Variants in COL24A1 observed in about 807,000 individuals in gnomAD.
COL24A1 encodes the protein collagen type XXIV alpha 1 chain.
In COL24A1, 224 loss-of-function variants were observed where a neutral mutation model predicts 253.9. The observed-to-expected ratio is 0.88, with a 90% CI of 0.79 to 0.99. COL24A1 has a LOEUF of 0.99. Among genes scored for constraint, COL24A1 ranks in the 50% least tolerant of loss-of-function variants. The pLI is 0.00. For missense variants in COL24A1, 2,131 were observed against 2,068.5 expected (o/e 1.03, Z -0.59); for synonymous variants, 685 against 673.7 (o/e 1.02, Z -0.26).
intron 37 of COL24A1, among the ~76,000 whole-genome samples, chr1:85,852,098 GTGTT>G (rs1247674585): frequency 6.6e-6 from 1 of 151,914 alleles, no homozygotes; most frequent in Non-Finnish European, 1.5e-5. Flanking sequence ...TGCGGGGTGT[GTGTT>G]TGTGTGTGTG....
chr1:85,990,784 T>G (rs931420930), intron 19 of COL24A1, among the ~76,000 whole-genome samples: 6 of 152,172 alleles, frequency 3.9e-5, no homozygotes, highest in Admixed American at 2.6e-4. Context: ...CAAATATGTT[T>G]AAGTTCATAA....
At chr1:86,088,795 A>T (rs998005597) in intron 7 of COL24A1, among the ~76,000 whole-genome samples, 1 of 152,218 alleles carries the variant, frequency 6.6e-6, no homozygotes, top group African/African-American at 2.4e-5. Flanking sequence ...TCATAAAGTG[A>T]CTTCAAGATC....
chr1:85,959,722 T>C (rs986964448), intron 24 of COL24A1, among the ~76,000 whole-genome samples: 5 of 152,172 alleles, frequency 3.3e-5, no homozygotes, highest in Non-Finnish European at 7.4e-5. Flanking sequence ...AGATAGTCTG[T>C]TTCCTCTTTG....
In COL24A1 at chr1:85,807,721, T is replaced by C. The variant is rs145744352; in HGVS notation, c.3951+9067A>G. Among the ~76,000 whole-genome samples the C allele has an allele frequency of 4.6e-5, 7 of 152,272 alleles. No individual in the cohort carries two copies. The East Asian group carries it at 1.3e-3, about 29-fold the overall frequency. On this transcript the variant is annotated intron_variant, in intron 47 of 59. Transcript: ENST00000370571. ...ATCCCTTGATTGAGAAGGAGGTAGG[T>C]TCTCTTTGAGAAAAAACACTGCAAT...
intron 20 of COL24A1, among the ~76,000 whole-genome samples, chr1:85,976,153 T>C (rs1263375280): frequency 1.3e-5 from 2 of 151,842 alleles, no homozygotes; most frequent in East Asian, 1.9e-4. Flanking sequence ...TTGCAGAGAG[T>C]AGCACAGGAG....
chr1:85,923,037 A>T (rs1571231883), intron 24 of COL24A1, among the ~76,000 whole-genome samples: 1 of 152,218 alleles, frequency 6.6e-6, no homozygotes, highest in East Asian at 1.9e-4. Flanking sequence ...CTGATGAAAC[A>T]GACTTTAAAC....
Position 86,138,858 on chromosome 1 carries a change from T to A in COL24A1, c.121+7261A>T, listed in dbSNP as rs910983290. ...AACAAAGCTTATCTGCTTTTTTTTT[T>A]ATCTCATCCCGTCAGAGCCCTGCTA... is the stretch of plus-strand genomic sequence containing the variant. On this transcript the variant is annotated intron_variant, in intron 2 of 59. Transcript: ENST00000370571. 5.3e-5 allele frequency among the ~76,000 whole-genome samples: 8 copies of A among 152,228 alleles called. No homozygotes were observed. The East Asian group carries it at 5.8e-4, about 11-fold the overall frequency.
chr1:86,065,160 A>G (rs1018433148), intron 7 of COL24A1, among the ~76,000 whole-genome samples: 1 of 152,152 alleles, frequency 6.6e-6, no homozygotes, highest in African/African-American at 2.4e-5. Flanking sequence ...GGAGGCTCAT[A>G]GGTTACAGAG....
intron 19 of COL24A1, among the ~76,000 whole-genome samples, chr1:86,004,996 T>C (rs1252251297): frequency 6.6e-6 from 1 of 152,138 alleles, no homozygotes; most frequent in Admixed American, 6.5e-5. Flanking sequence ...CAAACATACA[T>C]GCTCTTCAGC....
intron 43 of COL24A1, among the ~76,000 whole-genome samples, chr1:85,836,693 A>G (rs1676042293): frequency 6.6e-6 from 1 of 152,222 alleles, no homozygotes; most frequent in African/African-American, 2.4e-5. Context: ...TAGAATCATC[A>G]ATAAATAAAA....
At chr1:85,745,309 A>C (rs1477534863) in intron 56 of COL24A1, 132 bp downstream of exon 56, 1 of 509,228 alleles carries the variant, frequency 2.0e-6, no homozygotes, top group African/African-American at 2.0e-5. Context: ...GTTCTTGAGA[A>C]TGGTTTCACA....
At chr1:85,801,876 G>A (rs528837178) in intron 47 of COL24A1, among the ~76,000 whole-genome samples, 3 of 152,150 alleles carry the variant, frequency 2.0e-5, no homozygotes, top group Admixed American at 6.5e-5. Context: ...TTTCAGTGAC[G>A]GGCAGACATC....
intron 2 of COL24A1, among the ~76,000 whole-genome samples, chr1:86,131,829 C>G (rs961950376): frequency 1.3e-5 from 2 of 152,090 alleles, no homozygotes; most frequent in African/African-American, 4.8e-5. Context: ...CATATGTGTG[C>G]ATGTGTCTTT....
In COL24A1 at chr1:85,823,704, G is replaced by T. The variant is rs772856007; in HGVS notation, c.3716C>A (p.Thr1239Asn). The change falls in exon 44 of 60, where the codon ACT (threonine) becomes AAT (asparagine). Residue 1239 changes from threonine (T) to asparagine (N), a missense_variant. Thr to Asn is a moderately conservative substitution (Grantham distance 65, BLOSUM62 0). Coordinates refer to ENST00000370571, the MANE Select transcript of COL24A1 (RefSeq NM_152890.7). ...HVGVPGLRGA[T>N]GQQGPPGEPG... is the part of the protein sequence containing the mutation. Reference sequence around the variant, plus strand: ...ACATACTGGGGGTCCTTGTTGTCCAGTGGCACCTCTTAGTCCTGGTACACC... The same window carrying T: ...ACATACTGGGGGTCCTTGTTGTCCATTGGCACCTCTTAGTCCTGGTACACC... The T allele has an allele frequency of 7.4e-6, 12 of 1,613,880 alleles. No homozygotes were observed. In the South Asian group the frequency reaches 1.2e-4, roughly 16 times the overall value.
chr1:85,939,659 C>G (rs1202603889), intron 24 of COL24A1, among the ~76,000 whole-genome samples: 1 of 152,130 alleles, frequency 6.6e-6, no homozygotes, highest in Non-Finnish European at 1.5e-5. Context: ...GACACTTTGA[C>G]AGCAAAAGCT....
At chr1:85,855,730 A>T (rs1678360256) in intron 37 of COL24A1, among the ~76,000 whole-genome samples, 1 of 152,160 alleles carries the variant, frequency 6.6e-6, no homozygotes, top group Non-Finnish European at 1.5e-5. Context: ...TAAGGGAGGA[A>T]TCCCTCCTAT....
chr1:86,079,104 G>A (rs983339220), intron 7 of COL24A1, among the ~76,000 whole-genome samples: 1 of 152,086 alleles, frequency 6.6e-6, no homozygotes, highest in African/African-American at 2.4e-5. Flanking sequence ...CATAAAAACA[G>A]ACACACAGAC....
At chr1:85,837,524 G>T (rs1676132852) in intron 43 of COL24A1, among the ~76,000 whole-genome samples, 1 of 152,158 alleles carries the variant, frequency 6.6e-6, no homozygotes, top group South Asian at 2.1e-4. Flanking sequence ...ATTATTAAAA[G>T]CTTATTATGT....
chr1:86,062,422 G>A (rs1701160479), intron 8 of COL24A1, among the ~76,000 whole-genome samples: 1 of 151,512 alleles, frequency 6.6e-6, no homozygotes. Context: ...GAAACAAATA[G>A]AATAGAAAGG....
Sources: allele counts gnomAD v4.1 joint callset (sites outside exome capture counted in the v4.1 genomes callset), GRCh38; gene constraint gnomAD v4.1.1; transcripts MANE v1.5; gene names NCBI Gene and HGNC (gene_info 2026-07-23, HGNC 2026-07-21).